Variants in DLG2 observed in about 807,000 individuals in gnomAD.
DLG2 encodes the protein disks large homolog 2.
Under a neutral mutation model 132.5 loss-of-function variants are expected in DLG2, and 45 were observed. The ratio of observed to expected loss-of-function variants is 0.34; its 90% confidence interval spans 0.27 to 0.44. The LOEUF is 0.44. DLG2 is among the 20% of genes least tolerant of loss of function. The pLI, the probability that DLG2 is intolerant of heterozygous loss-of-function variation, is 1.00. For missense variants in DLG2, 1,045 were observed against 1,196.9 expected, an observed-to-expected ratio of 0.87 and a Z score of 1.87; for synonymous variants, 424 against 419.6, an observed-to-expected ratio of 1.01 and a Z score of -0.13.
intron 7 of DLG2, among the ~76,000 whole-genome samples, chr11:84,518,906 G>A (rs1203816972): frequency 6.6e-6 from 1 of 152,048 alleles, no homozygotes; most frequent in Non-Finnish European, 1.5e-5. Flanking sequence ...TTTCTCTGAG[G>A]TTCAGACATT....
chr11:85,303,289 A>T (rs1021124020), intron 3 of DLG2, among the ~76,000 whole-genome samples: 3 of 152,198 alleles, frequency 2.0e-5, no homozygotes, highest in Admixed American at 2.0e-4. Flanking sequence ...CAACCTTGGA[A>T]TTGTTACCCT....
intron 7 of DLG2, among the ~76,000 whole-genome samples, chr11:84,431,380 TCA>T (rs2098984248): frequency 6.6e-6 from 1 of 152,190 alleles, no homozygotes; most frequent in Admixed American, 6.5e-5. Flanking sequence ...GTCTTTATAT[TCA>T]CAGTTCTCAG....
intron 6 of DLG2, among the ~76,000 whole-genome samples, chr11:84,902,803 G>A (rs2091050484): frequency 6.6e-6 from 1 of 152,090 alleles, no homozygotes; most frequent in Non-Finnish European, 1.5e-5. Flanking sequence ...AAATTCTCTA[G>A]GATAGCTAAC....
intron 17 of DLG2, among the ~76,000 whole-genome samples, chr11:83,813,701 AG>A (rs2048014479): frequency 6.6e-6 from 1 of 152,142 alleles, no homozygotes; most frequent in Non-Finnish European, 1.5e-5. Flanking sequence ...GGCATTTTCT[AG>A]GGCAACACAA....
At chr11:83,658,621 C>T (rs2073393783) in intron 18 of DLG2, among the ~76,000 whole-genome samples, 1 of 152,194 alleles carries the variant, frequency 6.6e-6, no homozygotes, top group Non-Finnish European at 1.5e-5. Flanking sequence ...TTCACTTTTG[C>T]CCAGCATGAC....
At chr11:84,726,099 C>A (rs948337210) in intron 6 of DLG2, among the ~76,000 whole-genome samples, 2 of 151,882 alleles carry the variant, frequency 1.3e-5, no homozygotes, top group African/African-American at 2.4e-5. Flanking sequence ...ATTGTCAACC[C>A]TTTGTGTTCA....
At chr11:83,907,312 G>C (rs371121325) in intron 15 of DLG2, among the ~76,000 whole-genome samples, 1 of 152,100 alleles carries the variant, frequency 6.6e-6, no homozygotes, top group Non-Finnish European at 1.5e-5. Context: ...AGCACAGTGA[G>C]GAATATGGGC....
At chr11:85,367,211 C>T (rs570943111) in intron 3 of DLG2, among the ~76,000 whole-genome samples, 5 of 151,856 alleles carry the variant, frequency 3.3e-5, no homozygotes, top group Non-Finnish European at 7.4e-5. Flanking sequence ...TATTGTTTTC[C>T]TTCATTTATT....
At chr11:83,792,432 G>C (rs1471425456) in intron 17 of DLG2, among the ~76,000 whole-genome samples, 1 of 152,050 alleles carries the variant, frequency 6.6e-6, no homozygotes, top group Non-Finnish European at 1.5e-5. Flanking sequence ...TATATCATAA[G>C]TAAGGCACAA....
chr11:84,892,625 G>A (rs908849011), intron 6 of DLG2, among the ~76,000 whole-genome samples: 8 of 151,866 alleles, frequency 5.3e-5, no homozygotes, highest in Admixed American at 4.6e-4. Context: ...TAACACTGGT[G>A]GACTTAAGAG....
At chr11:84,090,628 A>C (rs2097075754) in intron 10 of DLG2, among the ~76,000 whole-genome samples, 1 of 152,182 alleles carries the variant, frequency 6.6e-6, no homozygotes, top group African/African-American at 2.4e-5. Flanking sequence ...CAACACTGAC[A>C]ACATATTGCA....
At chr11:83,528,864 G>A (rs181151686) in intron 21 of DLG2, among the ~76,000 whole-genome samples, 25 of 152,164 alleles carry the variant, frequency 1.6e-4, no homozygotes, top group African/African-American at 5.8e-4. Context: ...TGCAGCACTC[G>A]GTGTTATTGC....
chr11:85,362,668 A>C (rs539977462), intron 3 of DLG2, among the ~76,000 whole-genome samples: 3 of 151,996 alleles, frequency 2.0e-5, no homozygotes, highest in Non-Finnish European at 4.4e-5. Flanking sequence ...TTTACAAAAC[A>C]TGCCATTTTG....
At chr11:84,202,850 CAT>C (rs1193899888) in intron 8 of DLG2, among the ~76,000 whole-genome samples, 1 of 152,132 alleles carries the variant, frequency 6.6e-6, no homozygotes, top group Non-Finnish European at 1.5e-5. Flanking sequence ...GGCCAACAAA[CAT>C]ATGAAAAGAA....
intron 7 of DLG2, among the ~76,000 whole-genome samples, chr11:84,429,360 C>G (rs1040778635): frequency 2.6e-5 from 4 of 152,212 alleles, no homozygotes; most frequent in African/African-American, 9.6e-5. Context: ...AACTCAGGCC[C>G]ATGAAAGCTT....
intron 8 of DLG2, among the ~76,000 whole-genome samples, chr11:84,213,719 T>C (rs2096788903): frequency 6.8e-6 from 1 of 147,124 alleles, no homozygotes; most frequent in Non-Finnish European, 1.5e-5. Context: ...CTCGGGAGGC[T>C]GAGGCAGGAG....
chr11:85,488,717 A>G (rs1023617270), intron 3 of DLG2, among the ~76,000 whole-genome samples: 1 of 152,218 alleles, frequency 6.6e-6, no homozygotes, highest in Non-Finnish European at 1.5e-5. Flanking sequence ...AAGTGCTGAA[A>G]GAAAACAACT....
Position 84,679,683 on chromosome 11 carries a change from G to A in DLG2, c.358-144952C>T, listed in dbSNP as rs137861613. ...TGTCAAAGTCTGTTCTAAACGCTTC[G>A]TATATATTAAAGTCATTTAGTCTTC... On this transcript the variant is annotated intron_variant, in intron 6 of 27. Transcript: ENST00000376104. 3.4e-4 allele frequency among the ~76,000 whole-genome samples: 51 copies of A among 152,086 alleles called. 1 individual carries two copies. The East Asian group carries it at 9.3e-3, about 28-fold the overall frequency.
rs2096878533 is a variant in DLG2 at position 84,079,788 on chromosome 11, C to T, written c.749+19135G>A. 3.3e-5 allele frequency among the ~76,000 whole-genome samples: 5 copies of T among 152,248 alleles called. 1 individual carries two copies. In the South Asian group the frequency reaches 1.0e-3, roughly 32 times the overall value. Reference sequence around the variant, plus strand: ...CTCTCTCTCCCTGATTTCTCATGGCCACCTCTCCACCTTCACCTTGTGCCA... The same window carrying T: ...CTCTCTCTCCCTGATTTCTCATGGCTACCTCTCCACCTTCACCTTGTGCCA... On this transcript the variant is annotated intron_variant, in intron 10 of 27. Coordinates refer to ENST00000376104, the MANE Select transcript of DLG2 (RefSeq NM_001142699.3).
Sources: allele counts gnomAD v4.1 joint callset (sites outside exome capture counted in the v4.1 genomes callset), GRCh38; gene constraint gnomAD v4.1.1; transcripts MANE v1.5; gene names NCBI Gene and HGNC (gene_info 2026-07-23, HGNC 2026-07-21).